The following GREB1 variants were observed in gnomAD, a reference collection of about 807,000 sequenced individuals.
The protein encoded by GREB1 is growth regulating estrogen receptor binding 1.
Under a neutral mutation model 200.7 loss-of-function variants are expected in GREB1, and 106 were observed. The observed-to-expected ratio is 0.53, with a 90% CI of 0.45 to 0.62. GREB1 has a LOEUF of 0.62. Among genes scored for constraint, GREB1 ranks in the 20% least tolerant of loss-of-function variants. The pLI is 0.00. For synonymous variants in GREB1, 1,132 were observed against 1,092.4 expected (o/e 1.04, Z -0.72); for missense variants, 2,243 against 2,556.8 (o/e 0.88, Z 2.65).
At chr2:11,530,181 C>T (rs998411419), upstream of GREB1, among the ~76,000 whole-genome samples, 1 of 152,032 alleles carries the variant, frequency 6.6e-6, no homozygotes, top group Non-Finnish European at 1.5e-5. Context: ...CCCACCTCAG[C>T]CTCCCTAGTA....
upstream of GREB1, among the ~76,000 whole-genome samples, chr2:11,531,248 A>T (rs1558504780): frequency 6.6e-6 from 1 of 152,138 alleles, no homozygotes; most frequent in Admixed American, 6.5e-5. Context: ...GTTGAGCTAG[A>T]GCCTAGGCTG....
Position 11,618,557 on chromosome 2 carries a change from T to C in GREB1, c.3682T>C (p.Ser1228Pro). Residue 1228 changes from serine (S) to proline (P), a missense_variant, in exon 22 of 33, where the codon TCA becomes CCA. By Grantham distance (74) the Ser-to-Pro change is moderately conservative. Around this residue, in one of 3 missense-constraint regions of GREB1, gnomAD observed 587 missense variants for 553.1 expected, o/e 1.06. Coordinates refer to ENST00000381486, the MANE Select transcript of GREB1 (RefSeq NM_014668.4). Reference protein sequence around the residue: ...SCSQLSSSSGSSSSSVAPAAG... With the variant: ...SCSQLSSSSGPSSSSVAPAAG... ...CTCCCAGCTGTCCTCCTCCTCGGGC[T>C]CATCCTCCTCATCCGTGGCGCCCGC... is the stretch of plus-strand genomic sequence containing the variant. 1 of 1,612,748 alleles carries C rather than the reference T, an allele frequency of 6.2e-7. No homozygotes were observed. Among genetic ancestry groups the C allele is most frequent in the African/African-American group, 1.3e-5 (1 of 75,016 alleles).
upstream of GREB1, among the ~76,000 whole-genome samples, chr2:11,529,998 G>A (rs1674011014): frequency 6.6e-6 from 1 of 152,078 alleles, no homozygotes; most frequent in South Asian, 2.1e-4. Flanking sequence ...TAGCCCAGAG[G>A]TACTGAAATA....
At chr2:11,627,623 T>A (rs766302931) in intron 25 of GREB1, among the ~76,000 whole-genome samples, 2 of 152,252 alleles carry the variant, frequency 1.3e-5, no homozygotes, top group African/African-American at 2.4e-5. Flanking sequence ...GCCTAGGCAC[T>A]TTTTATATAT....
chr2:11,599,519 ATTTT>A (rs11367888), intron 15 of GREB1, among the ~76,000 whole-genome samples: 5 of 99,780 alleles, frequency 5.0e-5, no homozygotes, highest in Non-Finnish European at 3.8e-5. Context: ...TCGTTTTTGT[ATTTT>A]TTTTTTTTTT....
rs1681112574 is a variant in GREB1, at chr2:11,595,338, A to G, written c.1784A>G (p.Lys595Arg). The G allele has an allele frequency of 1.2e-6, 2 of 1,613,906 alleles. No individual in the cohort carries two copies. Among genetic ancestry groups the G allele is most frequent in the East Asian group, 4.5e-5 (2 of 44,864 alleles). ...GTCAATTACGAGCTGGTTACGGGGA[A>G]GGTAGACTCGCTGGGGGCCTTCTTT... Reference protein sequence around the residue: ...KEVNYELVTGKVDSLGAFFST... With the variant: ...KEVNYELVTGRVDSLGAFFST... The change falls in exon 12 of 33, where the codon AAG becomes AGG. Residue 595 changes from lysine (K) to arginine (R), a missense_variant. This residue lies in a region of GREB1 where 1,178 missense variants were observed against 1,387.4 expected (regional missense o/e 0.85). Transcript: ENST00000381486.
intron 20 of GREB1, among the ~76,000 whole-genome samples, chr2:11,616,343 C>T (rs2148338741): frequency 6.6e-6 from 1 of 152,336 alleles, no homozygotes; most frequent in South Asian, 2.1e-4. Context: ...CCCTGCTTTT[C>T]CCCCAGGCTC....
At chr2:11,549,079 C>A (rs1675561625) in intron 1 of GREB1, among the ~76,000 whole-genome samples, 1 of 152,096 alleles carries the variant, frequency 6.6e-6, no homozygotes, top group African/African-American at 2.4e-5. Flanking sequence ...CATGTGTATC[C>A]TTTTCATTTG....
chr2:11,497,157 G>C (rs1330967504), intron 1 of GREB1, among the ~76,000 whole-genome samples: 6 of 152,132 alleles, frequency 3.9e-5, no homozygotes, highest in Non-Finnish European at 1.5e-5. Context: ...TTGGTGATCT[G>C]TTCTCTATCT....
At chr2:11,566,766 C>G (rs6740248) in intron 4 of GREB1, 110 bp downstream of exon 4, 66,210 of 921,232 alleles carry the variant, frequency 0.072, 7,448 homozygotes, top group African/African-American at 0.4. Flanking sequence ...TTTGGGACCC[C>G]AGGCGCAGCA....
rs906771379 is a variant in GREB1 at position 11,580,388 on chromosome 2, A to G, written c.773-316A>G. Among the ~76,000 whole-genome samples, 4 of 152,088 alleles carry G rather than the reference A, an allele frequency of 2.6e-5. No homozygotes were observed. The highest frequency in any genetic ancestry group is 7.2e-5 in the African/African-American group (3 of 41,402). On this transcript the variant is annotated intron_variant, in intron 6 of 32. Coordinates refer to ENST00000381486, the MANE Select transcript of GREB1 (RefSeq NM_014668.4). The surrounding 1 kb of genome is among the most constrained non-coding windows in gnomAD (Gnocchi z 4.5). ...CAATGGGGTGTGAGCAGGAGGGTGCATGTTCCTGGGAGTGCATGTATATAG... is the reference window on the plus strand; with the variant it reads ...CAATGGGGTGTGAGCAGGAGGGTGCGTGTTCCTGGGAGTGCATGTATATAG...
Position 11,618,938 on chromosome 2 carries a change from C to T in GREB1, c.4044+19C>T, listed in dbSNP as rs1683761909. On this transcript the variant is annotated intron_variant, in intron 22 of 32. Transcript: ENST00000381486. ...CCCTCAGGTGAGTGTTGCTCGCTGC[C>T]CCAGCACAGCCCCGGACTGGGGGGG... 1 of 1,471,474 alleles carries T rather than the reference C, an allele frequency of 6.8e-7. No homozygotes were observed. The highest frequency in any genetic ancestry group is 1.4e-5 in the South Asian group (1 of 73,408). The allele number at this position is 1,471,474 out of a possible 1,614,324, so 91.2% of individuals were successfully genotyped here.
intron 1 of GREB1, among the ~76,000 whole-genome samples, chr2:11,509,633 T>A (rs943433854): frequency 6.6e-5 from 10 of 152,220 alleles, no homozygotes; most frequent in African/African-American, 1.9e-4. Context: ...GTGATAGTAT[T>A]CAGAGGTGGG....
At position 11,588,842 on chromosome 2, in the gene GREB1, G is replaced by A. The variant is rs771049767; in HGVS notation, c.1256G>A (p.Arg419Gln). The part of the protein sequence containing the change: ...TCYQNSQSVS[R>Q]AYEQYGASAI... ...TACCAGAATTCCCAGTCTGTCTCAC[G>A]GGCATACGAGCAGTACGGCGCCTCT... The change falls in exon 10 of 33, where the codon CGG (arginine) becomes CAG (glutamine). Residue 419 changes from arginine (R) to glutamine (Q), a missense_variant. Transcript: ENST00000381486. 8 of 1,614,080 alleles carry A rather than the reference G, an allele frequency of 5.0e-6. No individual in the cohort carries two copies. In the South Asian group the frequency reaches 5.5e-5, roughly 11 times the overall value.
At position 11,519,676 on chromosome 2, in the gene GREB1, G is replaced by A. The variant is rs113449153; in HGVS notation, c.-158-36781G>A. On this transcript the variant is annotated intron_variant, in intron 1 of 2. Coordinates refer to the GREB1 transcript ENST00000628795. ...TTCACCATGTTGCCAGGCTGGTCTC[G>A]ACCTCTTGACCTCAGGTGATCCACC... is the stretch of plus-strand genomic sequence containing the variant. 1.1e-3 allele frequency among the ~76,000 whole-genome samples: 168 copies of A among 151,756 alleles called. 1 individual carries two copies. The highest frequency in any genetic ancestry group is 3.9e-3 in the African/African-American group (163 of 41,410).
At position 11,493,080 on chromosome 2, in the gene GREB1, T is replaced by A. The variant is rs1672805995; in HGVS notation, c.-159+10699T>A. 6.6e-6 allele frequency among the ~76,000 whole-genome samples: 1 copy of A among 152,230 alleles called. No individual in the cohort carries two copies. The highest frequency in any genetic ancestry group is 1.5e-5 in the Non-Finnish European group (1 of 68,042). ...ATGATTGATCGTACAAACCTATCAA[T>A]GAAGACACCTTGAGTAGCATCCCAA... is the stretch of plus-strand genomic sequence containing the variant. On this transcript the variant is annotated intron_variant, in intron 1 of 2. Transcript: ENST00000628795. This position sits in a 1 kb window ranked among gnomAD's most constrained non-coding sequence, Gnocchi z 4.6.
Position 11,493,657 on chromosome 2 carries a change from C to T in GREB1, c.-159+11276C>T, listed in dbSNP as rs1672817624. Among the ~76,000 whole-genome samples, 2 of 152,124 alleles carry T rather than the reference C, an allele frequency of 1.3e-5. No homozygotes were observed. Among genetic ancestry groups the T allele is most frequent in the African/African-American group, 4.8e-5 (2 of 41,418 alleles). Reference sequence around the variant, plus strand: ...CCTTATACAGTATGTTATACTGAGCCAGTATTAATGCAACCTTATGTTTTT... The same window carrying T: ...CCTTATACAGTATGTTATACTGAGCTAGTATTAATGCAACCTTATGTTTTT... On this transcript the variant is annotated intron_variant, in intron 1 of 2. Coordinates refer to the GREB1 transcript ENST00000628795. This position sits in a 1 kb window ranked among gnomAD's most constrained non-coding sequence, Gnocchi z 4.6.
Position 11,497,971 on chromosome 2 carries a change from C to CTTTTTTTTT in GREB1, c.-159+15623_-159+15631dup, listed in dbSNP as rs70955803. Among the ~76,000 whole-genome samples the CTTTTTTTTT allele has an allele frequency of 3.2e-4, 13 of 40,628 alleles. 5 individuals are homozygous for CTTTTTTTTT. The highest frequency in any genetic ancestry group is 5.9e-4 in the Non-Finnish European group (13 of 22,158). The allele number at this position is 40,628 out of a possible 152,430, so 26.7% of individuals were successfully genotyped here. A position where few individuals can be genotyped will look rare whatever the true frequency, so the allele number is the denominator to read the frequency against. On this transcript the variant is annotated intron_variant, in intron 1 of 2. Transcript: ENST00000628795. ...TAACAGGGTCTTTTGCAGAGCAAAA[C>CTTTTTTTTT]TTTTTTTTTTTTTTTTTTTTTTTTT...
chr2:11,630,471 C>T (rs1684796164), intron 26 of GREB1, among the ~76,000 whole-genome samples: 1 of 152,140 alleles, frequency 6.6e-6, no homozygotes, highest in Admixed American at 6.5e-5. Context: ...GACGTTCATC[C>T]CCTCCCTGTC....
Sources: allele counts gnomAD v4.1 joint callset (sites outside exome capture counted in the v4.1 genomes callset), GRCh38; gene constraint gnomAD v4.1.1; regional missense constraint gnomAD v4.1.1; non-coding constraint Gnocchi (gnomAD v3.1); transcripts MANE v1.5; gene names NCBI Gene and HGNC (gene_info 2026-07-23, HGNC 2026-07-21).